Variants in PPP1R8 observed in about 807,000 individuals in gnomAD.
PPP1R8 encodes nuclear inhibitor of protein phosphatase 1.
PPP1R8 carries 4 observed loss-of-function variants against 31.3 expected under a neutral mutation model. The observed-to-expected ratio is 0.13, with a 90% CI of 0.06 to 0.29. The LOEUF is 0.29. PPP1R8 is among the 10% of genes least tolerant of loss of function. PPP1R8 has a pLI of 1.00. For synonymous variants in PPP1R8, 170 were observed against 169.7 expected (o/e 1.00, Z -0.01); for missense variants, 254 against 440.1 (o/e 0.58, Z 3.78).
chr1:27,850,478 G>GGTGGTT lies in PPP1R8; in HGVS notation c.*32_*33insGTGGTT. The GGTGGTT allele has an allele frequency of 2.2e-6, 3 of 1,338,794 alleles. No individual in the cohort carries two copies. The highest frequency in any genetic ancestry group is 1.0e-6 in the Non-Finnish European group (1 of 952,870). 82.9% of individuals were successfully genotyped at this position (1,338,794 alleles called of 1,614,324 possible). ...TGGTCATGGAGAAGGGTGGGATTGG[G>GGTGGTT]TGGGAATGGGGTGGAAGGGTGATGG... On this transcript the variant is annotated 3_prime_UTR_variant, in exon 7 of 7. Coordinates refer to ENST00000311772, the MANE Select transcript of PPP1R8 (RefSeq NM_014110.5).
chr1:27,845,689 A>G (rs560894192), intron 5 of PPP1R8, among the ~76,000 whole-genome samples: 52 of 152,116 alleles, frequency 3.4e-4, no homozygotes, highest in African/African-American at 1.2e-3. Context: ...ACTTAAAGCA[A>G]ATAAACCAGG....
In PPP1R8 at chr1:27,851,564, T is replaced by C. The variant is rs367880806; in HGVS notation, c.*1118T>C. On this transcript the variant is annotated 3_prime_UTR_variant, in exon 7 of 7. Transcript: ENST00000311772. ...GGCTGTGAATTTGTCTCTCAGTCAC[T>C]GATTGCCACTGCCATCTGGAAATGT... The C allele has an allele frequency of 2.0e-6, 1 of 509,840 alleles. No homozygotes were observed. The highest frequency in any genetic ancestry group is 3.9e-6 in the Non-Finnish European group (1 of 255,288). The allele number at this position is 509,840 out of a possible 1,614,324, so 31.6% of individuals were successfully genotyped here. A position where few individuals can be genotyped will look rare whatever the true frequency, so the allele number is the denominator to read the frequency against.
intron 6 of PPP1R8, among the ~76,000 whole-genome samples, chr1:27,848,093 G>A (rs1409686728): frequency 6.6e-6 from 1 of 152,158 alleles, no homozygotes; most frequent in Non-Finnish European, 1.5e-5. Flanking sequence ...CAGCCCAGAT[G>A]TGGATTAAAT....
At chr1:27,842,241 CT>C (rs2089229303) in intron 4 of PPP1R8, among the ~76,000 whole-genome samples, 1 of 151,112 alleles carries the variant, frequency 6.6e-6, no homozygotes, top group African/African-American at 2.4e-5. Flanking sequence ...ACTCAGGAGG[CT>C]GAGGCAGGAG....
chr1:27,850,856 T>G lies in PPP1R8; in HGVS notation c.*410T>G, dbSNP rs961377513. 2.8e-4 allele frequency: 45 copies of G among 161,096 alleles called. No homozygotes were observed. Among genetic ancestry groups the G allele is most frequent in the Admixed American group, 2.5e-3 (40 of 16,270 alleles). 10.0% of individuals were successfully genotyped at this position (161,096 alleles called of 1,614,324 possible). A position where few individuals can be genotyped will look rare whatever the true frequency, so the allele number is the denominator to read the frequency against. ...GAGCCTAATTTATATTCACTATCCT[T>G]CCAAGTCCCGGGTAGCAGAAGGGTT... On this transcript the variant is annotated 3_prime_UTR_variant, in exon 7 of 7. Transcript: ENST00000311772.
chr1:27,849,940 A>G (rs1385188027), intron 6 of PPP1R8, among the ~76,000 whole-genome samples, 153 bp from the exon 7 acceptor site: 1 of 152,212 alleles, frequency 6.6e-6, no homozygotes, highest in African/African-American at 2.4e-5. Flanking sequence ...ACATCATGAA[A>G]TAGGTTGTCT....
Position 27,850,482 on chromosome 1 carries a change from G to GGA in PPP1R8, c.*36_*37insGA. ...CATGGAGAAGGGTGGGATTGGGTGGGAATGGGGTGGAAGGGTGATGGGGAG... is the reference window on the plus strand; with the variant it reads ...CATGGAGAAGGGTGGGATTGGGTGGGGAAATGGGGTGGAAGGGTGATGGGGAG... On this transcript the variant is annotated 3_prime_UTR_variant, in exon 7 of 7. Transcript: ENST00000311772. 8 of 511,046 alleles carry GGA rather than the reference G, an allele frequency of 1.6e-5. No individual in the cohort carries two copies. Among genetic ancestry groups the GGA allele is most frequent in the East Asian group, 4.4e-5 (1 of 22,550 alleles). 31.7% of individuals were successfully genotyped at this position (511,046 alleles called of 1,614,324 possible).
At chr1:27,846,566 A>C (rs1298942777) in intron 5 of PPP1R8, among the ~76,000 whole-genome samples, 2 of 152,272 alleles carry the variant, frequency 1.3e-5, no homozygotes, top group Non-Finnish European at 2.9e-5. Flanking sequence ...AGGCATTAGC[A>C]AGGCATTTGA....
intron 5 of PPP1R8, among the ~76,000 whole-genome samples, chr1:27,844,231 G>A (rs1347660920): frequency 6.6e-6 from 1 of 152,198 alleles, no homozygotes; most frequent in Non-Finnish European, 1.5e-5. Context: ...TTGACCTCCT[G>A]GGCTTAAGCG....
Position 27,841,998 on chromosome 1 carries a change from G to A in PPP1R8, c.492+764G>A, listed in dbSNP as rs113501416. Among the ~76,000 whole-genome samples, 7 of 152,232 alleles carry A rather than the reference G, an allele frequency of 4.6e-5. 2 individuals are homozygous for A. Among genetic ancestry groups the A allele is most frequent in the African/African-American group, 1.7e-4 (7 of 41,534 alleles). On this transcript the variant is annotated intron_variant, in intron 4 of 6. Transcript: ENST00000311772. ...CCACCCACCTGCATTTACTATTCCT[G>A]TACACCAAGGCAGTTTCCTGGCTCT...
intron 1 of PPP1R8, chr1:27,831,425 T>C (rs945270987): frequency 2.2e-6 from 2 of 902,936 alleles, no homozygotes; most frequent in African/African-American, 3.6e-5. Flanking sequence ...TAGTAGGCAT[T>C]AGTAATGGTT....
At chr1:27,836,951 C>CT (rs1300288107) in intron 2 of PPP1R8, among the ~76,000 whole-genome samples, 11 of 152,298 alleles carry the variant, frequency 7.2e-5, no homozygotes, top group African/African-American at 2.6e-4. Context: ...CACTTCATTC[C>CT]TTTCCCAAAT....
In PPP1R8 at chr1:27,850,462, A is replaced by G; in HGVS notation, c.*16A>G. ...GCTGATTTGATATTTTTGGTCATGG[A>G]GAAGGGTGGGATTGGGTGGGAATGG... On this transcript the variant is annotated 3_prime_UTR_variant, in exon 7 of 7. Coordinates refer to ENST00000311772, the MANE Select transcript of PPP1R8 (RefSeq NM_014110.5). 2.0e-6 allele frequency: 1 copy of G among 511,288 alleles called. No homozygotes were observed. The highest frequency in any genetic ancestry group is 3.9e-6 in the Non-Finnish European group (1 of 256,660). The allele number at this position is 511,288 out of a possible 1,614,324, so 31.7% of individuals were successfully genotyped here. A position where few individuals can be genotyped will look rare whatever the true frequency, so the allele number is the denominator to read the frequency against.
intron 6 of PPP1R8, among the ~76,000 whole-genome samples, chr1:27,847,299 G>A (rs1253991237): frequency 6.6e-6 from 1 of 152,118 alleles, no homozygotes; most frequent in Admixed American, 6.5e-5. Context: ...CTGAGGTCAG[G>A]AGTTCGAGAC....
Position 27,841,195 on chromosome 1 carries a change from G to A in PPP1R8, c.453G>A (p.Lys151=), listed in dbSNP as rs746025965. 6.2e-7 allele frequency: 1 copy of A among 1,614,222 alleles called. No individual in the cohort carries two copies. The highest frequency in any genetic ancestry group is 1.1e-5 in the South Asian group (1 of 91,086). ...EKMGGEDDEL[K]GLLGLPEEET... ...TGGGTGGAGAGGATGATGAACTCAA[G>A]GGCTTACTGGGGCTTCCAGAGGAGG... is the stretch of plus-strand genomic sequence containing the variant. The change falls in exon 4 of 7, where the codon AAG becomes AAA. Residue 151 remains lysine (K), a synonymous_variant. Transcript: ENST00000311772.
intron 1 of PPP1R8, chr1:27,831,362 C>T (rs913742266): frequency 7.1e-6 from 7 of 988,156 alleles, no homozygotes; most frequent in African/African-American, 1.7e-5. Flanking sequence ...ACAGAGAATA[C>T]GAGGGTAGGT....
chr1:27,831,016 A>G (rs2089096810), intron 1 of PPP1R8, 125 bp downstream of exon 1: 5 of 1,420,554 alleles, frequency 3.5e-6, no homozygotes, highest in African/African-American at 1.5e-5. Context: ...TGGTTGAGGA[A>G]AAACTGTTTG....
intron 6 of PPP1R8, among the ~76,000 whole-genome samples, chr1:27,849,818 AACTC>A (rs60942579): frequency 0.044 from 6,757 of 152,162 alleles, 491 homozygotes; most frequent in African/African-American, 0.15. Context: ...CTTTATGTAA[AACTC>A]ACAACACCAT....
Position 27,843,175 on chromosome 1 carries a change from C to A in PPP1R8, c.493-11C>A. On this transcript the variant is annotated splice_polypyrimidine_tract_variant and intron_variant, in intron 4 of 6. Coordinates refer to ENST00000311772, the MANE Select transcript of PPP1R8 (RefSeq NM_014110.5). ...CTGACTGCTGTCTTTCCTGTATGAA[C>A]CCTGGCTTAGAACCTGACAGAGTTC... 3 of 1,614,022 alleles carry A rather than the reference C, an allele frequency of 1.9e-6. No individual in the cohort carries two copies. The highest frequency in any genetic ancestry group is 1.7e-4 in the Middle Eastern group (1 of 6,042).
Sources: allele counts gnomAD v4.1 joint callset (sites outside exome capture counted in the v4.1 genomes callset), GRCh38; gene constraint gnomAD v4.1.1; transcripts MANE v1.5; gene names NCBI Gene and HGNC (gene_info 2026-07-23, HGNC 2026-07-21).